Variants in REC114 observed in about 807,000 individuals in gnomAD.
REC114 encodes the protein REC114 meiotic recombination protein, also known as meiotic recombination protein REC114.
REC114 carries 27 observed loss-of-function variants against 31.3 expected under a neutral mutation model. The observed-to-expected ratio is 0.86, with a 90% CI of 0.64 to 1.19. The LOEUF is 1.19. Ranked by LOEUF, REC114 falls within the 50% of genes most tolerant of loss-of-function variation. REC114 has a pLI of 0.00. For missense variants in REC114, 344 were observed against 326.9 expected (o/e 1.05, Z -0.40); for synonymous variants, 134 against 127.7 (o/e 1.05, Z -0.33).
At chr15:73,506,660 T>G (rs971152801) in intron 2 of REC114, among the ~76,000 whole-genome samples, 5 of 152,198 alleles carry the variant, frequency 3.3e-5, no homozygotes, top group African/African-American at 9.6e-5. Flanking sequence ...AGAACCATTA[T>G]TACAACTGTA....
chr15:73,495,138 G>A (rs191781055), intron 2 of REC114, among the ~76,000 whole-genome samples: 1 of 152,154 alleles, frequency 6.6e-6, no homozygotes, highest in Admixed American at 6.5e-5. Flanking sequence ...TCTCTCTAAA[G>A]TGAGTCAAGA....
At chr15:73,479,748 A>G (rs1026657783) in intron 2 of REC114, among the ~76,000 whole-genome samples, 35 of 152,156 alleles carry the variant, frequency 2.3e-4, no homozygotes, top group Non-Finnish European at 4.3e-4. Flanking sequence ...GTTGTTGAAA[A>G]TGGTAGGATG....
rs1420130253 is a variant in REC114 at position 73,556,196 on chromosome 15, G to A, written c.547-106G>A. ...ACAACCATTTTTATCACTCTTAGTG[G>A]TATTTTCTTTCTTTGAACATGAATG... On this transcript the variant is annotated intron_variant, in intron 4 of 5. Coordinates refer to ENST00000331090, the MANE Select transcript of REC114 (RefSeq NM_001042367.2). 4 of 910,154 alleles carry A rather than the reference G, an allele frequency of 4.4e-6. No homozygotes were observed. In the African/African-American group the frequency reaches 5.0e-5, roughly 11 times the overall value. 56.4% of individuals were successfully genotyped at this position (910,154 alleles called of 1,614,324 possible). A position where few individuals can be genotyped will look rare whatever the true frequency, so the allele number is the denominator to read the frequency against.
At chr15:73,524,638 C>T (rs982147052) in intron 2 of REC114, among the ~76,000 whole-genome samples, 1 of 152,028 alleles carries the variant, frequency 6.6e-6, no homozygotes, top group East Asian at 1.9e-4. Flanking sequence ...CACTCTGTTG[C>T]CCAGGCTGGA....
intron 2 of REC114, among the ~76,000 whole-genome samples, chr15:73,500,475 A>T (rs756182277): frequency 6.6e-6 from 1 of 152,112 alleles, no homozygotes; most frequent in Non-Finnish European, 1.5e-5. Flanking sequence ...ATGGTGATAG[A>T]AGTCAGGATA....
intron 2 of REC114, among the ~76,000 whole-genome samples, chr15:73,482,171 T>G (rs1567863584): frequency 6.6e-6 from 1 of 152,168 alleles, no homozygotes; most frequent in Admixed American, 6.5e-5. Flanking sequence ...AGGTACCTCA[T>G]ATAATGGTGA....
chr15:73,513,644 TGTTA>T (rs975660805), intron 2 of REC114, among the ~76,000 whole-genome samples: 16 of 152,116 alleles, frequency 1.1e-4, no homozygotes, highest in Non-Finnish European at 2.4e-4. Flanking sequence ...CCTTTCTGTT[TGTTA>T]GTTTTCCTTC....
Position 73,556,255 on chromosome 15 carries a change from A to C in REC114, c.547-47A>C, listed in dbSNP as rs778232223. On this transcript the variant is annotated intron_variant, in intron 4 of 5. Coordinates refer to ENST00000331090, the MANE Select transcript of REC114 (RefSeq NM_001042367.2). ...TGCTCTTTAATGGCCTTTGGTATTTAAGATTACATTCAGCTAGTCTCCTTA... is the reference window on the plus strand; with the variant it reads ...TGCTCTTTAATGGCCTTTGGTATTTCAGATTACATTCAGCTAGTCTCCTTA... 1 of 1,514,314 alleles carries C rather than the reference A, an allele frequency of 6.6e-7. No homozygotes were observed. The highest frequency in any genetic ancestry group is 9.1e-7 in the Non-Finnish European group (1 of 1,101,838). The allele number at this position is 1,514,314 out of a possible 1,614,324, so 93.8% of individuals were successfully genotyped here. A position where few individuals can be genotyped will look rare whatever the true frequency, so the allele number is the denominator to read the frequency against.
intron 2 of REC114, among the ~76,000 whole-genome samples, chr15:73,477,464 T>C (rs1315972526): frequency 6.6e-6 from 1 of 152,170 alleles, no homozygotes; most frequent in Non-Finnish European, 1.5e-5. Flanking sequence ...TTACCTAGGC[T>C]GGAGTACAGT....
intron 2 of REC114, among the ~76,000 whole-genome samples, chr15:73,537,967 C>G (rs1420298001): frequency 6.6e-6 from 1 of 152,104 alleles, no homozygotes; most frequent in Admixed American, 6.6e-5. Context: ...TGTTATGTAG[C>G]TTGCTTTTTT....
chr15:73,482,248 GC>G (rs1368421028), intron 2 of REC114, among the ~76,000 whole-genome samples: 3 of 152,192 alleles, frequency 2.0e-5, no homozygotes, highest in Non-Finnish European at 4.4e-5. Flanking sequence ...TGAAGGTGGG[GC>G]CTGTAGGAGG....
At chr15:73,515,892 G>A (rs1309208708) in intron 2 of REC114, among the ~76,000 whole-genome samples, 3 of 152,182 alleles carry the variant, frequency 2.0e-5, no homozygotes, top group African/African-American at 7.2e-5. Flanking sequence ...TATGAATATA[G>A]GATGTGTTGA....
chr15:73,484,467 G>A (rs1466462167), intron 2 of REC114, among the ~76,000 whole-genome samples: 1 of 152,126 alleles, frequency 6.6e-6, no homozygotes, highest in African/African-American at 2.4e-5. Flanking sequence ...ATCTTTTCCT[G>A]GATCTCAAAT....
At chr15:73,556,911 A>T (rs966581017) in intron 5 of REC114, among the ~76,000 whole-genome samples, 4 of 152,050 alleles carry the variant, frequency 2.6e-5, no homozygotes, top group African/African-American at 9.7e-5. Flanking sequence ...AAACCTCTTC[A>T]TTCAAAACTA....
chr15:73,446,338 A>G (rs1892764765), intron 1 of REC114, among the ~76,000 whole-genome samples: 2 of 152,188 alleles, frequency 1.3e-5, no homozygotes, highest in South Asian at 4.1e-4. Flanking sequence ...GAAGAATTAA[A>G]GAGAATAAAG....
chr15:73,540,348 G>C lies in REC114; in HGVS notation c.250-137G>C, dbSNP rs1049943911. On this transcript the variant is annotated intron_variant, in intron 2 of 5. Transcript: ENST00000331090. ...GTATAAGGGTCATCCTTGGCAACTGGTTTTATTGAGTCATTGCTACTATGT... is the reference window on the plus strand; with the variant it reads ...GTATAAGGGTCATCCTTGGCAACTGCTTTTATTGAGTCATTGCTACTATGT... 31 of 732,804 alleles carry C rather than the reference G, an allele frequency of 4.2e-5. No individual in the cohort carries two copies. The African/African-American group carries it at 4.7e-4, about 11-fold the overall frequency. The allele number at this position is 732,804 out of a possible 1,614,324, so 45.4% of individuals were successfully genotyped here.
At position 73,513,979 on chromosome 15, in the gene REC114, C is replaced by G. The variant is rs964210835; in HGVS notation, c.250-26506C>G. Among the ~76,000 whole-genome samples, 9 of 152,144 alleles carry G rather than the reference C, an allele frequency of 5.9e-5. No homozygotes were observed. The South Asian group carries it at 6.2e-4, about 10-fold the overall frequency. On this transcript the variant is annotated intron_variant, in intron 2 of 5. Transcript: ENST00000331090. Reference sequence around the variant, plus strand: ...GAACTGTGGTGGGCTCCACCCAGTTCGAGCTTCCTGGCTGCTTTGTTTACC... The same window carrying G: ...GAACTGTGGTGGGCTCCACCCAGTTGGAGCTTCCTGGCTGCTTTGTTTACC...
At chr15:73,536,274 T>C (rs1379953669) in intron 2 of REC114, among the ~76,000 whole-genome samples, 1 of 152,208 alleles carries the variant, frequency 6.6e-6, no homozygotes, top group African/African-American at 2.4e-5. Flanking sequence ...TTTCCTGGGT[T>C]ATGACAGACT....
intron 1 of REC114, among the ~76,000 whole-genome samples, chr15:73,470,421 ATTTC>A (rs1893118202): frequency 6.6e-6 from 1 of 152,110 alleles, no homozygotes; most frequent in African/African-American, 2.4e-5. Context: ...TTCCTTTCAC[ATTTC>A]TTTCAGTGCA....
Sources: gnomAD v4.1 joint callset for allele counts (sites outside exome capture counted in the v4.1 genomes callset) on GRCh38, gnomAD v4.1.1 for gene constraint, MANE v1.5 for transcripts, NCBI Gene and HGNC (gene_info 2026-07-23, HGNC 2026-07-21) for gene names.